TSGA13: variants seen among roughly 807,000 people sequenced by gnomAD.
TSGA13 encodes the protein testis specific 13, also known as testis-specific gene 13 protein.
Under a neutral mutation model 35.1 loss-of-function variants are expected in TSGA13, and 37 were observed. The ratio of observed to expected loss-of-function variants is 1.05; its 90% confidence interval spans 0.81 to 1.39. The LOEUF is 1.39. Ranked by LOEUF, TSGA13 falls within the 40% of genes most tolerant of loss-of-function variation. TSGA13 has a pLI of 0.00. For synonymous variants in TSGA13, 124 were observed against 121.2 expected (o/e 1.02, Z -0.15); for missense variants, 338 against 328.5 (o/e 1.03, Z -0.22).
intron 7 of TSGA13, among the ~76,000 whole-genome samples, chr7:130,671,217 G>C (rs1209969337): frequency 6.6e-6 from 1 of 151,844 alleles, no homozygotes; most frequent in Admixed American, 6.6e-5. Context: ...GGTGGTTCTA[G>C]GTGGTACATA....
chr7:130,671,749 A>C lies in TSGA13; in HGVS notation c.570T>G (p.Tyr190Ter), dbSNP rs782431716. ...TDNDFKSEGK[Y>*]SKVYALRTQK... ...GTGTCCTCAAAGCGTAGACTTTTGA[A>C]TACTTCCCTTCGCTCTTGAAATCAT... Residue 190 changes from tyrosine (Y) to a stop codon, truncating the protein, a stop_gained, in exon 7 of 8, where the codon TAT (tyrosine) becomes TAG (stop). Transcript: ENST00000356588. LOFTEE classifies it high-confidence loss of function. 3.1e-6 allele frequency: 5 copies of C among 1,605,902 alleles called. No individual in the cohort carries two copies. In the South Asian group the frequency reaches 5.6e-5, roughly 18 times the overall value.
intron 4 of TSGA13, among the ~76,000 whole-genome samples, chr7:130,679,603 G>A (rs142419944): frequency 7.2e-5 from 11 of 152,118 alleles, no homozygotes; most frequent in East Asian, 1.9e-4. Context: ...TAGACCTCCC[G>A]GGCTCAAGTG....
In TSGA13 at chr7:130,669,176, C is replaced by T; in HGVS notation, c.666G>A (p.Lys222=). 9 of 1,614,166 alleles carry T rather than the reference C, an allele frequency of 5.6e-6. No homozygotes were observed. Among genetic ancestry groups the T allele is most frequent in the East Asian group, 4.5e-5 (2 of 44,882 alleles). The change falls in exon 8 of 8, where the codon AAG becomes AAA. Residue 222 remains lysine (K), a synonymous_variant. Coordinates refer to ENST00000356588, the MANE Select transcript of TSGA13 (RefSeq NM_052933.4). ...HERDMRKDAS[K]KSASERPISK... is the part of the protein sequence containing the mutation. ...AAATTGGCCTTTCACTCGCTGACTT[C>T]TTGGAAGCTACGACAAAGCACAGGC...
At chr7:130,683,344 G>A (rs1218961040) in intron 3 of TSGA13, among the ~76,000 whole-genome samples, 2 of 152,192 alleles carry the variant, frequency 1.3e-5, no homozygotes, top group African/African-American at 4.8e-5. Flanking sequence ...GGTTTGACAC[G>A]CTCTTACTCC....
At chr7:130,683,339 G>C (rs1554465365) in intron 3 of TSGA13, among the ~76,000 whole-genome samples, 7 of 152,212 alleles carry the variant, frequency 4.6e-5, no homozygotes. Flanking sequence ...GTTAGGGTTT[G>C]ACACGCTCTT....
Position 130,671,644 on chromosome 7 carries a change from G to C in TSGA13, c.658+17C>G, listed in dbSNP as rs1554462958. ...TCTCAGTCCAGTAAGCCTTTGCTTT[G>C]AAAGAGAGGAGCTTACCATCTTTCC... is the stretch of plus-strand genomic sequence containing the variant. On this transcript the variant is annotated intron_variant, in intron 7 of 7. Transcript: ENST00000356588. The C allele has an allele frequency of 1.9e-6, 3 of 1,553,858 alleles. No homozygotes were observed. Among genetic ancestry groups the C allele is most frequent in the Admixed American group, 1.8e-5 (1 of 57,034 alleles).
rs530714001 is a variant in TSGA13, at chr7:130,670,314, A to G, written c.659-1131T>C. On this transcript the variant is annotated intron_variant, in intron 7 of 7. Coordinates refer to ENST00000356588, the MANE Select transcript of TSGA13 (RefSeq NM_052933.4). ...ACCCCAGGCCTTCGGTATCAGGACT[A>G]TTTGGACTGAGGATGGCTGGCAGAC... 3.5e-4 allele frequency among the ~76,000 whole-genome samples: 54 copies of G among 152,290 alleles called. No homozygotes were observed. In the South Asian group the frequency reaches 9.3e-3, roughly 26 times the overall value.
In TSGA13 at chr7:130,685,327, G is replaced by A; in HGVS notation, c.-117C>T. The A allele has an allele frequency of 6.3e-7, 1 of 1,575,956 alleles. No homozygotes were observed. Among genetic ancestry groups the A allele is most frequent in the Admixed American group, 1.7e-5 (1 of 59,232 alleles). ...ATTCAATCCAAATATTCTTTCCTTA[G>A]CACACAGTGTGTACTCATGCCCCAT... On this transcript the variant is annotated 5_prime_UTR_variant, in exon 2 of 8. Coordinates refer to ENST00000356588, the MANE Select transcript of TSGA13 (RefSeq NM_052933.4).
rs1796359025 is a variant in TSGA13, at chr7:130,674,219, C to T, written c.388-1343G>A. ...TAGAGTCTCACTCTGTCTCCCAGAC[C>T]TGGAGTGCTATGGTGTGATCTCGGC... is the stretch of plus-strand genomic sequence containing the variant. On this transcript the variant is annotated intron_variant, in intron 5 of 7. Transcript: ENST00000356588. 3.2e-5 allele frequency among the ~76,000 whole-genome samples: 4 copies of T among 126,086 alleles called. No individual in the cohort carries two copies. In the South Asian group the frequency reaches 1.2e-3, roughly 37 times the overall value. 82.7% of individuals were successfully genotyped at this position (126,086 alleles called of 152,430 possible). A position where few individuals can be genotyped will look rare whatever the true frequency, so the allele number is the denominator to read the frequency against.
intron 3 of TSGA13, among the ~76,000 whole-genome samples, chr7:130,681,899 A>G (rs1397970740): frequency 6.6e-6 from 1 of 152,052 alleles, no homozygotes; most frequent in Non-Finnish European, 1.5e-5. Flanking sequence ...AGAGTGCATC[A>G]TTATCCTGTG....
At chr7:130,677,188 G>C (rs934386652) in intron 5 of TSGA13, among the ~76,000 whole-genome samples, 2 of 152,070 alleles carry the variant, frequency 1.3e-5, no homozygotes, top group Admixed American at 1.3e-4. Flanking sequence ...CACTGCTCCC[G>C]GCCAGATTTT....
intron 5 of TSGA13, among the ~76,000 whole-genome samples, chr7:130,676,888 T>A (rs1796423609): frequency 6.6e-6 from 1 of 151,922 alleles, no homozygotes; most frequent in South Asian, 2.1e-4. Flanking sequence ...CTTTTTTAGA[T>A]TTTGATTCTT....
chr7:130,679,010 G>A, intron 5 of TSGA13, 145 bp downstream of exon 5: 1 of 681,538 alleles, frequency 1.5e-6, no homozygotes, highest in South Asian at 1.9e-5. Flanking sequence ...CTGGGTAACA[G>A]AGTGAGACCC....
At chr7:130,683,304 A>G (rs1478245419) in intron 3 of TSGA13, among the ~76,000 whole-genome samples, 2 of 152,226 alleles carry the variant, frequency 1.3e-5, no homozygotes, top group African/African-American at 2.4e-5. Context: ...TTTTGCTACA[A>G]GAGGTAGTTG....
chr7:130,684,186 G>A lies in TSGA13; in HGVS notation c.24-514C>T, dbSNP rs570264542. On this transcript the variant is annotated intron_variant, in intron 2 of 7. Transcript: ENST00000356588. The stretch of plus-strand genomic sequence containing the variant: ...TAAGTTTCCAATTCTTGTTGACCTT[G>A]CTTGGATTACTGGCTCTCATGTCTT... 8.1e-4 allele frequency among the ~76,000 whole-genome samples: 123 copies of A among 152,280 alleles called. No individual in the cohort carries two copies. The South Asian group carries it at 0.011, about 14-fold the overall frequency.
chr7:130,671,399 A>G (rs1554462932), intron 7 of TSGA13, among the ~76,000 whole-genome samples: 1 of 152,214 alleles, frequency 6.6e-6, no homozygotes, highest in Non-Finnish European at 1.5e-5. Flanking sequence ...ATACATCAAT[A>G]TGGCAAAAAC....
chr7:130,683,482 T>G (rs1796594701), intron 3 of TSGA13, 112 bp downstream of exon 3: 1 of 900,260 alleles, frequency 1.1e-6, no homozygotes, highest in South Asian at 1.8e-5. Flanking sequence ...TCCATATACA[T>G]TTTTACTCCT....
intron 5 of TSGA13, among the ~76,000 whole-genome samples, chr7:130,674,678 A>G (rs1459624263): frequency 6.6e-6 from 1 of 152,242 alleles, no homozygotes; most frequent in Admixed American, 6.5e-5. Flanking sequence ...TGCCTGGCAC[A>G]TAGTAGATGT....
At position 130,672,890 on chromosome 7, in the gene TSGA13, A is replaced by G. The variant is rs781849346; in HGVS notation, c.388-14T>C. ...ATGATGACTTTCCTGTAGGGAAACG[A>G]GGGAAGAAGAGTGAGGGAGTAAGCT... On this transcript the variant is annotated splice_polypyrimidine_tract_variant and intron_variant, in intron 5 of 7. Coordinates refer to ENST00000356588, the MANE Select transcript of TSGA13 (RefSeq NM_052933.4). The G allele has an allele frequency of 1.9e-6, 3 of 1,610,878 alleles. No individual in the cohort carries two copies. In the Admixed American group the frequency reaches 5.0e-5, roughly 27 times the overall value.
Sources: gnomAD v4.1 joint callset for allele counts (sites outside exome capture counted in the v4.1 genomes callset) on GRCh38, gnomAD v4.1.1 for gene constraint, MANE v1.5 for transcripts, NCBI Gene and HGNC (gene_info 2026-07-23, HGNC 2026-07-21) for gene names.